Variants in KLHL32 observed in about 807,000 individuals in gnomAD.
The protein encoded by KLHL32 is kelch like family member 32, also known as kelch-like protein 32.
KLHL32 carries 35 observed loss-of-function variants against 64.8 expected under a neutral mutation model. The observed-to-expected ratio is 0.54, with a 90% CI of 0.41 to 0.72. KLHL32 has a LOEUF of 0.72. Ranked by LOEUF, KLHL32 falls within the 30% of genes least tolerant of loss-of-function variation. The pLI is 0.00. For synonymous variants in KLHL32, 259 were observed against 281.0 expected, an observed-to-expected ratio of 0.92 and a Z score of 0.78; for missense variants, 589 against 768.5, an observed-to-expected ratio of 0.77 and a Z score of 2.76.
At chr6:96,999,590 C>A (rs1294524340) in intron 3 of KLHL32, 1 of 868,956 alleles carries the variant, frequency 1.2e-6, no homozygotes, top group Non-Finnish European at 1.4e-6. Context: ...CTGCTATTTT[C>A]TTTTTCTGAT....
intron 10 of KLHL32, among the ~76,000 whole-genome samples, chr6:97,138,223 G>C (rs1800260863): frequency 6.8e-6 from 1 of 147,116 alleles, no homozygotes; most frequent in Non-Finnish European, 1.5e-5. Flanking sequence ...AGCAGGCACT[G>C]ACTAACAGAG....
chr6:96,976,683 C>T (rs900831597), intron 3 of KLHL32, among the ~76,000 whole-genome samples: 1 of 152,166 alleles, frequency 6.6e-6, no homozygotes, highest in African/African-American at 2.4e-5. Context: ...ACTGCAACCT[C>T]TGCTTCCTGG....
chr6:96,926,758 G>A (rs1367922901), intron 1 of KLHL32, among the ~76,000 whole-genome samples: 1 of 152,148 alleles, frequency 6.6e-6, no homozygotes, highest in Non-Finnish European at 1.5e-5. Context: ...CACTGTAGCC[G>A]ATTGTTACTG....
At chr6:97,102,145 T>C (rs1795813331) in intron 6 of KLHL32, among the ~76,000 whole-genome samples, 1 of 152,200 alleles carries the variant, frequency 6.6e-6, no homozygotes, top group Admixed American at 6.5e-5. Flanking sequence ...TGCACAAATA[T>C]ATTAGGTTGC....
At chr6:96,985,214 G>C (rs1382713337) in intron 3 of KLHL32, among the ~76,000 whole-genome samples, 2 of 152,152 alleles carry the variant, frequency 1.3e-5, no homozygotes, top group Admixed American at 1.3e-4. Context: ...CTCTCTTCTG[G>C]CTTGTAGAGT....
chr6:96,970,235 T>C (rs1774965127), intron 2 of KLHL32, among the ~76,000 whole-genome samples: 1 of 152,182 alleles, frequency 6.6e-6, no homozygotes, highest in Non-Finnish European at 1.5e-5. Context: ...GTACTACAGC[T>C]TGAATGACCT....
intron 3 of KLHL32, among the ~76,000 whole-genome samples, chr6:97,004,111 G>A (rs1119221): frequency 0.25 from 37,276 of 152,050 alleles, 5,905 homozygotes; most frequent in East Asian, 0.53. Flanking sequence ...CTATTCATGA[G>A]TATGGAATGT....
At chr6:97,109,108 C>G (rs908474871) in intron 6 of KLHL32, among the ~76,000 whole-genome samples, 1 of 152,192 alleles carries the variant, frequency 6.6e-6, no homozygotes, top group Non-Finnish European at 1.5e-5. Flanking sequence ...AGTGCAGACT[C>G]CTCATCCTCC....
At chr6:97,136,362 G>T (rs1800013354) in intron 10 of KLHL32, among the ~76,000 whole-genome samples, 1 of 152,150 alleles carries the variant, frequency 6.6e-6, no homozygotes, top group African/African-American at 2.4e-5. Context: ...CTCTGATTTA[G>T]CACAGACTAT....
intron 1 of KLHL32, among the ~76,000 whole-genome samples, chr6:96,945,879 C>T (rs1771859621): frequency 6.6e-6 from 1 of 152,106 alleles, no homozygotes; most frequent in Admixed American, 6.6e-5. Context: ...AATGTGGAGG[C>T]TGACAGGGTG....
At chr6:96,919,436 G>A in the KLHL32 span, among the ~76,000 whole-genome samples, 3 of 152,282 alleles carry the variant, frequency 2.0e-5, no homozygotes, top group South Asian at 2.1e-4. Context: ...CTGACCAAAC[G>A]TTGAAATGTG....
intron 6 of KLHL32, among the ~76,000 whole-genome samples, chr6:97,095,790 T>C (rs900981670): frequency 2.0e-5 from 3 of 152,318 alleles, no homozygotes; most frequent in Non-Finnish European, 2.9e-5. Context: ...AAAGTGTGTG[T>C]GAGAGTGAGG....
intron 3 of KLHL32, among the ~76,000 whole-genome samples, chr6:97,013,575 C>T (rs1780701773): frequency 6.6e-6 from 1 of 152,114 alleles, no homozygotes; most frequent in South Asian, 2.1e-4. Flanking sequence ...CACATGTACA[C>T]GTGTCAGGTC....
chr6:97,096,247 A>G (rs1794972703), intron 6 of KLHL32, among the ~76,000 whole-genome samples: 1 of 152,192 alleles, frequency 6.6e-6, no homozygotes, highest in Admixed American at 6.5e-5. Flanking sequence ...ACTTACACAT[A>G]TGCAGGTGGG....
At chr6:97,138,160 C>T (rs1800253351) in intron 10 of KLHL32, among the ~76,000 whole-genome samples, 1 of 152,164 alleles carries the variant, frequency 6.6e-6, no homozygotes, top group Non-Finnish European at 1.5e-5. Flanking sequence ...AGCAGCTCTC[C>T]TGAAGAAAGA....
At position 97,085,286 on chromosome 6, in the gene KLHL32, A is replaced by G. The variant is rs1793230708; in HGVS notation, c.572A>G (p.Gln191Arg). The G allele has an allele frequency of 6.2e-7, 1 of 1,613,424 alleles. No homozygotes were observed. The highest frequency in any genetic ancestry group is 1.7e-5 in the Admixed American group (1 of 60,010). Residue 191 changes from glutamine (Q) to arginine (R), a missense_variant, in exon 6 of 11, where the codon CAG becomes CGG. By Grantham distance (43) the Gln-to-Arg change is conservative (BLOSUM62 1). Around this residue, in one of 3 missense-constraint regions of KLHL32, gnomAD observed 226 missense variants for 353.2 expected, o/e 0.64. Transcript: ENST00000369261. Reference sequence around the variant, plus strand: ...CTAACGCTTCCCTATTGCCTGCTTCAGGAGGTGCTGAAGAGCGACCGCCTG... The same window carrying G: ...CTAACGCTTCCCTATTGCCTGCTTCGGGAGGTGCTGAAGAGCGACCGCCTG... ...EVLTLPYCLLQEVLKSDRLTS... is the reference protein window; with the variant it reads ...EVLTLPYCLLREVLKSDRLTS...
Position 97,071,476 on chromosome 6 carries a change from T to G in KLHL32, c.411+6750T>G, listed in dbSNP as rs571740151. On this transcript the variant is annotated intron_variant, in intron 5 of 10. Coordinates refer to ENST00000369261, the MANE Select transcript of KLHL32 (RefSeq NM_052904.4). ...GCTCTGCATGGGCACCCTTCCCTTC[T>G]GCTCACTATCACTCTCTTTCATGCA... Among the ~76,000 whole-genome samples the G allele has an allele frequency of 2.6e-5, 4 of 152,302 alleles. No homozygotes were observed. The East Asian group carries it at 7.7e-4, about 29-fold the overall frequency.
At chr6:97,138,338 A>G (rs1800284305) in intron 10 of KLHL32, among the ~76,000 whole-genome samples, 1 of 152,172 alleles carries the variant, frequency 6.6e-6, no homozygotes, top group Non-Finnish European at 1.5e-5. Context: ...CAGGAGTTTG[A>G]GAGCAGGCTG....
chr6:97,114,947 A>G (rs1352946864), intron 7 of KLHL32, among the ~76,000 whole-genome samples: 2 of 152,224 alleles, frequency 1.3e-5, no homozygotes, highest in Non-Finnish European at 2.9e-5. Flanking sequence ...GGGTATATCA[A>G]TAGGTATATA....
Sources: gnomAD v4.1 joint callset for allele counts (sites outside exome capture counted in the v4.1 genomes callset) on GRCh38, gnomAD v4.1.1 for gene constraint, gnomAD v4.1.1 regional missense constraint, MANE v1.5 for transcripts, NCBI Gene and HGNC (gene_info 2026-07-23, HGNC 2026-07-21) for gene names.